C4orf50: variants seen among roughly 807,000 people sequenced by gnomAD.
The protein encoded by C4orf50 is uncharacterized protein C4orf50.
Under a neutral mutation model 77.2 loss-of-function variants are expected in C4orf50, and 80 were observed. That is an observed-to-expected ratio of 1.04 (90% CI 0.87 to 1.25). The LOEUF (loss-of-function observed/expected upper bound fraction) is 1.25. Among genes scored for constraint, C4orf50 ranks in the 50% most tolerant of loss-of-function variants. The pLI, the probability that C4orf50 is intolerant of heterozygous loss-of-function variation, is 0.00. For missense variants in C4orf50, 1,257 were observed against 1,152.9 expected, an observed-to-expected ratio of 1.09 and a Z score of -1.31; for synonymous variants, 532 against 465.3, an observed-to-expected ratio of 1.14 and a Z score of -1.84.
intron 7 of C4orf50, among the ~76,000 whole-genome samples, chr4:5,945,537 G>A (rs1385219794): frequency 6.6e-6 from 1 of 152,152 alleles, no homozygotes; most frequent in African/African-American, 2.4e-5. Flanking sequence ...GATCTAACAA[G>A]CAAAATGAGT....
In C4orf50 at chr4:5,988,726, C is replaced by A. The variant is rs1324066039; in HGVS notation, c.3320G>T (p.Arg1107Met). Residue 1107 changes from arginine to methionine, a missense_variant, in exon 28 of 34, where the codon AGG (arginine) becomes ATG (methionine). By Grantham distance (91) the Arg-to-Met change is moderately conservative (BLOSUM62 -1). Transcript: ENST00000531445. ...CACCAAACGCCCCTGATCCGTGCTCCTCTGCAAGGTGACTTCCCTCTCCAG... is the reference window on the plus strand; with the variant it reads ...CACCAAACGCCCCTGATCCGTGCTCATCTGCAAGGTGACTTCCCTCTCCAG... 3.9e-6 allele frequency: 6 copies of A among 1,536,028 alleles called. No homozygotes were observed. In the South Asian group the frequency reaches 7.1e-5, roughly 18 times the overall value.
At chr4:5,911,541 G>C (rs1716806899) in intron 7 of C4orf50, among the ~76,000 whole-genome samples, 1 of 152,198 alleles carries the variant, frequency 6.6e-6, no homozygotes, top group Non-Finnish European at 1.5e-5. Flanking sequence ...GCTGCCTACA[G>C]GTCCATCAGA....
chr4:5,897,606 C>T (rs1716176377), exon 8 of C4orf50: 1 of 152,152 alleles, frequency 6.6e-6, no homozygotes, highest in Non-Finnish European at 1.5e-5. Context: ...GAAAAAAACC[C>T]TTTAATTGTG....
Position 5,975,860 on chromosome 4 carries a change from T to C in C4orf50, c.3921+39A>G, listed in dbSNP as rs1220758447. On this transcript the variant is annotated intron_variant, in intron 30 of 33. Transcript: ENST00000531445. ...AAAACTACTAAACTCTCTTTTGTTT[T>C]GAAAGAGGCATTTCATGTTGATTTT... The C allele has an allele frequency of 1.0e-5, 15 of 1,460,734 alleles. No homozygotes were observed. The East Asian group carries it at 1.4e-4, about 13-fold the overall frequency. 90.5% of individuals were successfully genotyped at this position (1,460,734 alleles called of 1,614,324 possible).
intron 7 of C4orf50, among the ~76,000 whole-genome samples, chr4:5,922,377 G>A (rs950571925): frequency 6.6e-6 from 1 of 152,292 alleles, no homozygotes; most frequent in Admixed American, 6.5e-5. Flanking sequence ...CTTGTGGGTC[G>A]GGTAACTCAT....
rs1047024162 is a variant in C4orf50 at position 6,000,592 on chromosome 4, G to A, written c.964-6116C>T. ...CCAGGGTCCTCCCCCAGTGACCCACGGACTCCACAGGGCTCATTTCCTTGC... is the reference window on the plus strand; with the variant it reads ...CCAGGGTCCTCCCCCAGTGACCCACAGACTCCACAGGGCTCATTTCCTTGC... On this transcript the variant is annotated intron_variant, in intron 25 of 33. Coordinates refer to ENST00000531445, the Ensembl canonical transcript of C4orf50. This position sits in a 1 kb window ranked among gnomAD's most constrained non-coding sequence, Gnocchi z 6.0. Among the ~76,000 whole-genome samples, 16 of 152,172 alleles carry A rather than the reference G, an allele frequency of 1.1e-4. 1 individual carries two copies. The highest frequency in any genetic ancestry group is 5.2e-4 in the Admixed American group (8 of 15,296).
At chr4:5,962,300 A>G (rs1286962514) in intron 33 of C4orf50, among the ~76,000 whole-genome samples, 5 of 152,232 alleles carry the variant, frequency 3.3e-5, no homozygotes, top group African/African-American at 7.2e-5. Context: ...ATGATTTCCA[A>G]CAGAGGAAAG....
chr4:5,922,750 G>A (rs531256441), intron 7 of C4orf50, among the ~76,000 whole-genome samples: 2 of 152,118 alleles, frequency 1.3e-5, no homozygotes, highest in Non-Finnish European at 2.9e-5. Context: ...TCATCAAATG[G>A]GCAGATGGAT....
At chr4:6,010,336 A>G (rs892475379) in intron 24 of C4orf50, among the ~76,000 whole-genome samples, 25 of 152,226 alleles carry the variant, frequency 1.6e-4, no homozygotes, top group African/African-American at 5.8e-4. Flanking sequence ...AAATTCCACT[A>G]GGATATCTCC....
Position 5,994,854 on chromosome 4 carries a change from C to T in C4orf50, c.964-378G>A, listed in dbSNP as rs143778822. Among the ~76,000 whole-genome samples, 904 of 152,298 alleles carry T rather than the reference C, an allele frequency of 5.9e-3. 12 individuals carry two copies. Among genetic ancestry groups the T allele is most frequent in the African/African-American group, 0.021 (854 of 41,560 alleles). On this transcript the variant is annotated intron_variant, in intron 25 of 33. Coordinates refer to ENST00000531445, the Ensembl canonical transcript of C4orf50. ...CGTACAGCAGGAGGTGAGCAGCAGG[C>T]GAGCAGGCATTACCGCCTGAGCTCC...
At chr4:5,944,473 G>C (rs1026076562) in intron 7 of C4orf50, among the ~76,000 whole-genome samples, 1 of 152,198 alleles carries the variant, frequency 6.6e-6, no homozygotes, top group African/African-American at 2.4e-5. Flanking sequence ...GAGACAAATA[G>C]AAGGAGTGAG....
chr4:5,983,261 T>G (rs916883833), intron 28 of C4orf50, among the ~76,000 whole-genome samples: 3 of 152,214 alleles, frequency 2.0e-5, no homozygotes, highest in Admixed American at 6.5e-5. Context: ...CTCAAAACCC[T>G]CTGTTGGCTT....
intron 7 of C4orf50, among the ~76,000 whole-genome samples, chr4:5,921,377 G>A (rs180691648): frequency 5.9e-5 from 9 of 152,310 alleles, no homozygotes; most frequent in African/African-American, 2.2e-4. Flanking sequence ...TGAGGCCCTG[G>A]GACAAATGGC....
At chr4:5,994,709 CAACGAGGGCAGCG>C (rs1424624848) in intron 25 of C4orf50, among the ~76,000 whole-genome samples, 1 of 152,186 alleles carries the variant, frequency 6.6e-6, no homozygotes, top group Admixed American at 6.5e-5. Flanking sequence ...TGTCCACAGA[CAACGAGGGCAGCG>C]TTCAGTCCTC....
chr4:5,988,851 G>C, exon 28 of C4orf50: 1 of 1,535,962 alleles, frequency 6.5e-7, no homozygotes, highest in South Asian at 1.2e-5. Flanking sequence ...CTTTATAACT[G>C]ACGCCAAGCT....
At chr4:5,976,171 C>T (rs111509598) in intron 29 of C4orf50, among the ~76,000 whole-genome samples, 345 of 152,092 alleles carry the variant, frequency 2.3e-3, no homozygotes, top group African/African-American at 7.6e-3. Flanking sequence ...CTTGGCCGGG[C>T]GCAGTGACCC....
chr4:5,955,395 G>A (rs1290834652), downstream of C4orf50, among the ~76,000 whole-genome samples: 2 of 152,130 alleles, frequency 1.3e-5, no homozygotes, highest in African/African-American at 4.8e-5. The surrounding 1 kb of genome is among the most constrained non-coding windows in gnomAD (Gnocchi z 5.1). Context: ...CGTTACAGGG[G>A]AAAGGACGAG....
intron 31 of C4orf50, among the ~76,000 whole-genome samples, chr4:5,969,556 G>A (rs1479151386): frequency 1.3e-5 from 2 of 151,870 alleles, no homozygotes; most frequent in African/African-American, 4.8e-5. Context: ...CTGCTAGTAT[G>A]CCCAAGGCCC....
intron 28 of C4orf50, among the ~76,000 whole-genome samples, chr4:5,986,540 T>A (rs1425742918): frequency 9.8e-5 from 3 of 30,568 alleles, no homozygotes; most frequent in Non-Finnish European, 1.5e-4. Flanking sequence ...ACAACGTCAT[T>A]TTTTTTTTTT....
Sources: allele counts gnomAD v4.1 joint callset (sites outside exome capture counted in the v4.1 genomes callset), GRCh38; gene constraint gnomAD v4.1.1; non-coding constraint Gnocchi (gnomAD v3.1); transcripts MANE v1.5; gene names NCBI Gene and HGNC (gene_info 2026-07-23, HGNC 2026-07-21).